The following NTRK3 variants were observed in gnomAD, a reference collection of about 807,000 sequenced individuals.
NTRK3 encodes neurotrophic receptor tyrosine kinase 3, also known as NT-3 growth factor receptor.
NTRK3 carries 24 observed loss-of-function variants against 91.7 expected under a neutral mutation model. The observed-to-expected ratio is 0.26, with a 90% CI of 0.19 to 0.37. The LOEUF (loss-of-function observed/expected upper bound fraction) is 0.37. Ranked by LOEUF, NTRK3 falls within the 10% of genes least tolerant of loss-of-function variation. The pLI is 1.00. For missense variants in NTRK3, 880 were observed against 1,068.9 expected (o/e 0.82, Z 2.46); for synonymous variants, 483 against 404.0 (o/e 1.20, Z -2.34).
intron 3 of NTRK3, among the ~76,000 whole-genome samples, chr15:88,214,614 G>A (rs1326562271): frequency 6.6e-6 from 1 of 151,922 alleles, no homozygotes; most frequent in Admixed American, 6.5e-5. Flanking sequence ...TTCTTGAAGG[G>A]GAGGTCACTA....
chr15:88,202,648 G>T (rs936774766), intron 3 of NTRK3, among the ~76,000 whole-genome samples: 1 of 152,198 alleles, frequency 6.6e-6, no homozygotes, highest in Non-Finnish European at 1.5e-5. Flanking sequence ...CTCAGAGGCT[G>T]CCTGCAAGTT....
intron 14 of NTRK3, among the ~76,000 whole-genome samples, chr15:87,990,791 C>T (rs114539222): frequency 0.018 from 2,705 of 152,184 alleles, 78 homozygotes; most frequent in African/African-American, 0.062. Context: ...TGCACACATA[C>T]CAAACAAATG....
At position 88,167,344 on chromosome 15, in the gene NTRK3, C is replaced by A. The variant is rs567487911; in HGVS notation, c.395+16074G>T. ...CATCACGACTCTGAGGTCCAGAAAC[C>A]AGATGAGTCTCCTCCCAGGTGTTGG... On this transcript the variant is annotated intron_variant, in intron 5 of 18. Transcript: ENST00000394480. Among the ~76,000 whole-genome samples, 264 of 152,246 alleles carry A rather than the reference C, an allele frequency of 1.7e-3. 1 individual carries two copies. Among genetic ancestry groups the A allele is most frequent in the African/African-American group, 6.0e-3 (249 of 41,548 alleles).
chr15:88,018,964 C>T (rs2077423935), intron 14 of NTRK3, among the ~76,000 whole-genome samples: 1 of 152,032 alleles, frequency 6.6e-6, no homozygotes, highest in South Asian at 2.1e-4. Flanking sequence ...CACCTACTCT[C>T]CAAAAGCTAT....
chr15:88,159,105 G>A (rs1258775452), intron 5 of NTRK3, among the ~76,000 whole-genome samples: 1 of 152,194 alleles, frequency 6.6e-6, no homozygotes, highest in Non-Finnish European at 1.5e-5. Flanking sequence ...GCCTGCAGGG[G>A]CAAGAGTGCT....
chr15:88,125,234 G>A (rs565394510), intron 13 of NTRK3, among the ~76,000 whole-genome samples: 179 of 152,288 alleles, frequency 1.2e-3, no homozygotes, highest in African/African-American at 4.1e-3. Context: ...GGACTAGTTC[G>A]GTTCCATGCG....
exon 19 of NTRK3, chr15:87,872,072 T>C (rs763877601): frequency 9.0e-6 from 2 of 221,644 alleles, no homozygotes; most frequent in Non-Finnish European, 1.8e-5. Context: ...GTGCCATTTT[T>C]TTTTCTCTCT....
At chr15:87,962,174 A>G (rs1032867316) in intron 14 of NTRK3, among the ~76,000 whole-genome samples, 3 of 152,114 alleles carry the variant, frequency 2.0e-5, no homozygotes, top group Non-Finnish European at 2.9e-5. Flanking sequence ...CCCTGTTGCC[A>G]TTGGATCTTG....
At chr15:88,032,900 G>A (rs751590533) in exon 14 of NTRK3, 1 of 1,613,728 alleles carries the variant, frequency 6.2e-7, no homozygotes, top group East Asian at 2.2e-5. Context: ...GGAAGTACTG[G>A]GGGTTCTCAA....
chr15:88,230,520 C>T (rs1369081819), intron 3 of NTRK3, among the ~76,000 whole-genome samples: 2 of 152,178 alleles, frequency 1.3e-5, no homozygotes, highest in African/African-American at 2.4e-5. Context: ...ATCTGGCCAG[C>T]TTTCCTCAAA....
At chr15:87,875,917 G>T (rs1039604349) in exon 19 of NTRK3, 1 of 231,888 alleles carries the variant, frequency 4.3e-6, no homozygotes, top group Non-Finnish European at 8.5e-6. Flanking sequence ...TCTTGCTATT[G>T]CAACCCTAAA....
intron 17 of NTRK3, among the ~76,000 whole-genome samples, chr15:87,918,318 C>T (rs1233704285): frequency 2.0e-5 from 3 of 152,228 alleles, no homozygotes; most frequent in Non-Finnish European, 4.4e-5. Flanking sequence ...TGTCCATTGA[C>T]TACCTAAGCC....
chr15:88,072,611 C>A (rs2047189463), intron 13 of NTRK3: 1 of 232,200 alleles, frequency 4.3e-6, no homozygotes, highest in Non-Finnish European at 8.5e-6. Context: ...TAGAAATAAA[C>A]ACAGTTTATT....
chr15:88,113,669 C>G (rs768609547), intron 13 of NTRK3, among the ~76,000 whole-genome samples: 190 of 152,186 alleles, frequency 1.2e-3, no homozygotes, highest in Non-Finnish European at 2.5e-3. Flanking sequence ...CTATGGCCTG[C>G]AGGCCAAATC....
At chr15:87,901,188 G>A (rs2066435570) in intron 17 of NTRK3, among the ~76,000 whole-genome samples, 1 of 152,180 alleles carries the variant, frequency 6.6e-6, no homozygotes, top group African/African-American at 2.4e-5. Context: ...CTGCCTCTTG[G>A]CTTCTCCTTC....
chr15:88,114,018 C>T (rs1045112530), intron 13 of NTRK3, among the ~76,000 whole-genome samples: 2 of 152,102 alleles, frequency 1.3e-5, no homozygotes, highest in Admixed American at 1.3e-4. Flanking sequence ...CCCCCCACCA[C>T]CAACAACAAC....
chr15:88,151,354 C>T (rs1327580830), intron 5 of NTRK3, among the ~76,000 whole-genome samples: 1 of 152,086 alleles, frequency 6.6e-6, no homozygotes, highest in Non-Finnish European at 1.5e-5. Context: ...AACAAGGAGC[C>T]AGACACACAG....
chr15:88,236,349 TAGA>T (rs1274259183), intron 3 of NTRK3, among the ~76,000 whole-genome samples: 1 of 151,942 alleles, frequency 6.6e-6, no homozygotes, highest in Non-Finnish European at 1.5e-5. Flanking sequence ...TATGAAGCTG[TAGA>T]AGAAGGAAAA....
intron 3 of NTRK3, among the ~76,000 whole-genome samples, chr15:88,239,532 A>G (rs2052119090): frequency 6.6e-6 from 1 of 152,094 alleles, no homozygotes; most frequent in Non-Finnish European, 1.5e-5. Context: ...TCTCTCAACT[A>G]CAGGTTGGAT....
Sources: allele counts gnomAD v4.1 joint callset (sites outside exome capture counted in the v4.1 genomes callset), GRCh38; gene constraint gnomAD v4.1.1; transcripts MANE v1.5; gene names NCBI Gene and HGNC (gene_info 2026-07-23, HGNC 2026-07-21).